Variants in SPOCK1 observed in about 807,000 individuals in gnomAD.
SPOCK1 encodes the protein SPARC (osteonectin), cwcv and kazal like domains proteoglycan 1, also known as testican-1.
SPOCK1 carries 23 observed loss-of-function variants against 55.3 expected under a neutral mutation model. That is an observed-to-expected ratio of 0.42 (90% CI 0.30 to 0.59). SPOCK1 has a LOEUF of 0.59. SPOCK1 is among the 20% of genes least tolerant of loss of function. The pLI, the probability that SPOCK1 is intolerant of heterozygous loss-of-function variation, is 0.22. For missense variants in SPOCK1, 499 were observed against 552.5 expected (o/e 0.90, Z 0.97); for synonymous variants, 226 against 221.0 (o/e 1.02, Z -0.20).
At chr5:137,375,726 A>C (rs1751297643) in intron 2 of SPOCK1, among the ~76,000 whole-genome samples, 1 of 152,194 alleles carries the variant, frequency 6.6e-6, no homozygotes, top group East Asian at 1.9e-4. Context: ...TAAAAATAAG[A>C]ATTTTTTTAA....
At chr5:137,315,605 A>C (rs1757864724) in intron 2 of SPOCK1, among the ~76,000 whole-genome samples, 1 of 152,182 alleles carries the variant, frequency 6.6e-6, no homozygotes, top group Non-Finnish European at 1.5e-5. Flanking sequence ...TGCTGCACTG[A>C]TGGCTCAAGG....
At chr5:137,010,280 A>C (rs1043947357) in intron 6 of SPOCK1, among the ~76,000 whole-genome samples, 1 of 152,078 alleles carries the variant, frequency 6.6e-6, no homozygotes, top group African/African-American at 2.4e-5. Context: ...CTTAAGTGAA[A>C]ACGCTGCTCC....
At chr5:137,057,628 G>A (rs1398740177) in intron 6 of SPOCK1, among the ~76,000 whole-genome samples, 1 of 152,074 alleles carries the variant, frequency 6.6e-6, no homozygotes, top group African/African-American at 2.4e-5. Flanking sequence ...ACACCTGTTG[G>A]ACTGGGGCCA....
intron 2 of SPOCK1, 100 bp downstream of exon 2, chr5:137,498,273 C>CAT (rs1754342417): frequency 9.4e-7 from 1 of 1,063,884 alleles, no homozygotes; most frequent in Non-Finnish European, 1.2e-6. Context: ...CAACCACACA[C>CAT]ACACACACAC....
At chr5:137,287,485 T>C (rs1187652632) in intron 2 of SPOCK1, among the ~76,000 whole-genome samples, 1 of 152,186 alleles carries the variant, frequency 6.6e-6, no homozygotes, top group African/African-American at 2.4e-5. Context: ...GGAAAAAATA[T>C]ACTCAGAATC....
intron 8 of SPOCK1, 77 bp from the exon 9 acceptor site, chr5:136,985,279 T>C (rs1269671693): frequency 2.2e-6 from 3 of 1,349,874 alleles, no homozygotes; most frequent in Admixed American, 1.7e-5. Flanking sequence ...ACTCTTGATG[T>C]GAAATGTAGA....
chr5:136,990,702 CT>C (rs1307128703), intron 7 of SPOCK1, among the ~76,000 whole-genome samples: 8 of 152,012 alleles, frequency 5.3e-5, no homozygotes, highest in Non-Finnish European at 1.2e-4. Flanking sequence ...CAGCTCTATG[CT>C]TTTGTAAACA....
At chr5:137,210,148 G>T (rs1219288570) in intron 3 of SPOCK1, among the ~76,000 whole-genome samples, 2 of 152,152 alleles carry the variant, frequency 1.3e-5, no homozygotes, top group African/African-American at 4.8e-5. Flanking sequence ...GTGATGAGGA[G>T]ATGTCAGTTG....
intron 2 of SPOCK1, among the ~76,000 whole-genome samples, chr5:137,328,973 T>A (rs764768383): frequency 2.0e-5 from 3 of 152,232 alleles, no homozygotes; most frequent in Non-Finnish European, 4.4e-5. Context: ...GTTAATTTTA[T>A]GTGTCAACTT....
intron 3 of SPOCK1, among the ~76,000 whole-genome samples, chr5:137,143,200 A>AT (rs1476370478): frequency 1.8e-5 from 2 of 113,022 alleles, no homozygotes; most frequent in Non-Finnish European, 4.2e-5. Context: ...AGAACTTGAG[A>AT]TTTTCACTTG....
intron 3 of SPOCK1, among the ~76,000 whole-genome samples, chr5:137,218,573 A>C (rs1755763039): frequency 6.6e-6 from 1 of 152,234 alleles, no homozygotes; most frequent in Non-Finnish European, 1.5e-5. Context: ...AAGAACAACA[A>C]TGCCACTTAT....
intron 2 of SPOCK1, among the ~76,000 whole-genome samples, chr5:137,298,646 T>C (rs1251624987): frequency 6.6e-6 from 1 of 152,186 alleles, no homozygotes; most frequent in African/African-American, 2.4e-5. Flanking sequence ...ACTTGTCTGG[T>C]TTTGTTCAAA....
At chr5:137,445,358 T>C (rs1753101337) in intron 2 of SPOCK1, among the ~76,000 whole-genome samples, 1 of 152,230 alleles carries the variant, frequency 6.6e-6, no homozygotes, top group African/African-American at 2.4e-5. Flanking sequence ...TTTGTGATCA[T>C]ACTTTTCCTT....
chr5:137,270,675 C>G (rs1756944420), intron 2 of SPOCK1, among the ~76,000 whole-genome samples: 1 of 152,170 alleles, frequency 6.6e-6, no homozygotes, highest in Middle Eastern at 3.2e-3. Context: ...GGTCTAGAAT[C>G]ACATAGTATT....
chr5:137,109,502 A>G (rs1414803494), intron 5 of SPOCK1, among the ~76,000 whole-genome samples: 1 of 152,128 alleles, frequency 6.6e-6, no homozygotes, highest in Non-Finnish European at 1.5e-5. Context: ...CCCATGCCTG[A>G]GCAGCCACTA....
chr5:137,245,590 T>A (rs754141028), intron 3 of SPOCK1, among the ~76,000 whole-genome samples: 11 of 152,080 alleles, frequency 7.2e-5, no homozygotes, highest in Non-Finnish European at 1.5e-4. Context: ...AAGGTCCAGA[T>A]GAAAGTGCCC....
At chr5:137,022,913 C>T (rs529007466) in intron 6 of SPOCK1, among the ~76,000 whole-genome samples, 131 of 152,300 alleles carry the variant, frequency 8.6e-4, no homozygotes, top group Middle Eastern at 3.4e-3. Context: ...GCAGCTCACA[C>T]GAGGGACCAG....
At chr5:137,376,557 A>G (rs1751323015) in intron 2 of SPOCK1, among the ~76,000 whole-genome samples, 1 of 152,238 alleles carries the variant, frequency 6.6e-6, no homozygotes, top group Admixed American at 6.5e-5. Flanking sequence ...GGGGCCTTTT[A>G]AAAGGGAAAT....
intron 2 of SPOCK1, among the ~76,000 whole-genome samples, chr5:137,395,538 C>T (rs1480664805): frequency 6.6e-6 from 1 of 152,164 alleles, no homozygotes; most frequent in South Asian, 2.1e-4. Flanking sequence ...AGATCTGGCA[C>T]TTGATACCTG....
Sources: allele counts gnomAD v4.1 joint callset (sites outside exome capture counted in the v4.1 genomes callset), GRCh38; gene constraint gnomAD v4.1.1; transcripts MANE v1.5; gene names NCBI Gene and HGNC (gene_info 2026-07-23, HGNC 2026-07-21).